RPS6KC1: variants seen among roughly 807,000 people sequenced by gnomAD.
The protein encoded by RPS6KC1 is inactive ribosomal protein S6 kinase delta-1.
In RPS6KC1, 54 loss-of-function variants were observed where a neutral mutation model predicts 103.8. The ratio of observed to expected loss-of-function variants is 0.52; its 90% CI spans 0.42 to 0.65. RPS6KC1 has a LOEUF of 0.65. Ranked by LOEUF, RPS6KC1 falls within the 30% of genes least tolerant of loss-of-function variation. The pLI, the probability that RPS6KC1 is intolerant of heterozygous loss-of-function variation, is 0.00. For missense variants in RPS6KC1, 1,151 were observed against 1,253.8 expected (o/e 0.92, Z 1.24); for synonymous variants, 439 against 438.7 (o/e 1.00, Z -0.01).
At chr1:213,505,159 A>T in the RPS6KC1 span, among the ~76,000 whole-genome samples, 6 of 152,096 alleles carry the variant, frequency 3.9e-5, no homozygotes, top group Admixed American at 6.5e-5. Flanking sequence ...ATCCTATTCT[A>T]TGTTCCATGA....
At chr1:213,260,756 C>CA (rs35685015) in intron 12 of RPS6KC1, among the ~76,000 whole-genome samples, 4,836 of 121,590 alleles carry the variant, frequency 0.04, 223 homozygotes, top group African/African-American at 0.11. Flanking sequence ...CTAAAAGCCT[C>CA]AAAAAAAAAA....
the RPS6KC1 span, among the ~76,000 whole-genome samples, chr1:213,388,333 G>A: frequency 6.6e-6 from 1 of 152,208 alleles, no homozygotes; most frequent in Non-Finnish European, 1.5e-5. Context: ...GCCATGCTGG[G>A]CACCTCAGTG....
At chr1:213,586,139 G>A in the RPS6KC1 span, among the ~76,000 whole-genome samples, 1 of 152,102 alleles carries the variant, frequency 6.6e-6, no homozygotes, top group Non-Finnish European at 1.5e-5. Context: ...TGGTGACCTT[G>A]GCATGTCTGC....
At chr1:213,550,066 T>A in the RPS6KC1 span, among the ~76,000 whole-genome samples, 2,805 of 152,220 alleles carry the variant, frequency 0.018, 58 homozygotes, top group Non-Finnish European at 0.023. Context: ...ATAATCATAA[T>A]TGTGTGCTGA....
At chr1:213,260,107 T>C (rs1379079177) in intron 12 of RPS6KC1, among the ~76,000 whole-genome samples, 1 of 152,200 alleles carries the variant, frequency 6.6e-6, no homozygotes, top group Non-Finnish European at 1.5e-5. Flanking sequence ...ATTAAATCTC[T>C]ATTGTTAGGT....
chr1:213,215,970 C>T (rs2148714935), intron 8 of RPS6KC1, among the ~76,000 whole-genome samples: 1 of 152,302 alleles, frequency 6.6e-6, no homozygotes, highest in South Asian at 2.1e-4. Context: ...ACTGCATCAA[C>T]TAACGAGCAA....
the RPS6KC1 span, among the ~76,000 whole-genome samples, chr1:213,758,024 A>ACTG: frequency 6.6e-6 from 1 of 152,226 alleles, no homozygotes; most frequent in South Asian, 2.1e-4. Flanking sequence ...TATTTTTAAT[A>ACTG]CTGCTCATTG....
the RPS6KC1 span, among the ~76,000 whole-genome samples, chr1:213,551,504 T>C: frequency 6.6e-6 from 1 of 152,160 alleles, no homozygotes; most frequent in Non-Finnish European, 1.5e-5. Flanking sequence ...TGGGACTTCC[T>C]GTGTTCTACA....
chr1:213,349,674 C>T, the RPS6KC1 span, among the ~76,000 whole-genome samples: 5 of 152,100 alleles, frequency 3.3e-5, no homozygotes, highest in Admixed American at 3.3e-4. Flanking sequence ...ACCTGAAAAC[C>T]TTCTCAAACA....
chr1:213,071,099 T>C (rs2078829659), intron 2 of RPS6KC1, 58 bp downstream of exon 2: 5 of 1,060,626 alleles, frequency 4.7e-6, no homozygotes, highest in Non-Finnish European at 5.5e-6. Flanking sequence ...ACTAAATGCT[T>C]TTTTGAGGAA....
chr1:213,444,247 C>T, the RPS6KC1 span, among the ~76,000 whole-genome samples: 1 of 152,160 alleles, frequency 6.6e-6, no homozygotes, highest in Non-Finnish European at 1.5e-5. Context: ...TAGAACCACC[C>T]TGATGGCTTC....
chr1:213,852,556 G>T, the RPS6KC1 span, among the ~76,000 whole-genome samples: 8 of 152,070 alleles, frequency 5.3e-5, no homozygotes, highest in African/African-American at 1.9e-4. Flanking sequence ...TCTGTTTTCG[G>T]ATCTGTTTGT....
chr1:213,598,012 C>T, the RPS6KC1 span, among the ~76,000 whole-genome samples: 4 of 152,248 alleles, frequency 2.6e-5, no homozygotes, highest in Non-Finnish European at 5.9e-5. Context: ...GATGACTTGT[C>T]TCGAGGTATT....
At chr1:213,677,776 G>A in the RPS6KC1 span, among the ~76,000 whole-genome samples, 1 of 152,164 alleles carries the variant, frequency 6.6e-6, no homozygotes, top group African/African-American at 2.4e-5. Flanking sequence ...GGGAGGCTGA[G>A]GTGGGTGGAT....
chr1:213,254,184 TAATC>T (rs1363656425), intron 12 of RPS6KC1, among the ~76,000 whole-genome samples: 1 of 152,228 alleles, frequency 6.6e-6, no homozygotes, highest in Non-Finnish European at 1.5e-5. Flanking sequence ...TCATTAGTAT[TAATC>T]AGTAAGAGTC....
the RPS6KC1 span, among the ~76,000 whole-genome samples, chr1:213,382,555 G>T: frequency 2.8e-5 from 4 of 144,272 alleles, no homozygotes; most frequent in Non-Finnish European, 6.0e-5. Context: ...TTTTTTTGAA[G>T]CGGTTGTAGG....
intron 8 of RPS6KC1, among the ~76,000 whole-genome samples, chr1:213,222,016 C>T (rs1191106988): frequency 1.3e-5 from 2 of 152,140 alleles, no homozygotes; most frequent in Non-Finnish European, 2.9e-5. Flanking sequence ...TCCTTTTGTT[C>T]TAAATTAGTT....
chr1:213,278,840 G>C (rs2095117563), downstream of RPS6KC1, among the ~76,000 whole-genome samples: 1 of 152,128 alleles, frequency 6.6e-6, no homozygotes, highest in Non-Finnish European at 1.5e-5. Context: ...TCCTGTATAG[G>C]AGCAGGACCT....
intron 1 of RPS6KC1, among the ~76,000 whole-genome samples, chr1:213,064,156 G>T (rs377721098): frequency 2.0e-5 from 3 of 150,986 alleles, no homozygotes; most frequent in Non-Finnish European, 3.0e-5. Flanking sequence ...TCTCTGGTTC[G>T]AACTGTTTTA....
Sources: allele counts gnomAD v4.1 joint callset (sites outside exome capture counted in the v4.1 genomes callset), GRCh38; gene constraint gnomAD v4.1.1; transcripts MANE v1.5; gene names NCBI Gene and HGNC (gene_info 2026-07-23, HGNC 2026-07-21).